Variants in KCNMB2 observed in about 807,000 individuals in gnomAD.
KCNMB2 encodes calcium-activated potassium channel subunit beta-2.
Under a neutral mutation model 24.5 loss-of-function variants are expected in KCNMB2, and 9 were observed. The ratio of observed to expected loss-of-function variants is 0.37; its 90% CI spans 0.22 to 0.64. The LOEUF is 0.64. KCNMB2 is among the 30% of genes least tolerant of loss of function. The pLI, the probability that KCNMB2 is intolerant of heterozygous loss-of-function variation, is 0.63. For synonymous variants in KCNMB2, 109 were observed against 104.4 expected (o/e 1.04, Z -0.27); for missense variants, 226 against 284.3 (o/e 0.79, Z 1.47).
intron 1 of KCNMB2, among the ~76,000 whole-genome samples, chr3:178,761,815 C>T (rs1711898821): frequency 6.6e-6 from 1 of 152,108 alleles, no homozygotes; most frequent in Admixed American, 6.6e-5. Flanking sequence ...AGGAGATACA[C>T]AATAAACAAA....
At chr3:178,616,404 G>T (rs1718707995) in intron 1 of KCNMB2, among the ~76,000 whole-genome samples, 1 of 152,108 alleles carries the variant, frequency 6.6e-6, no homozygotes, top group Non-Finnish European at 1.5e-5. Flanking sequence ...TCCCTCCTTG[G>T]GTGGGTGTTG....
chr3:178,614,343 A>G (rs866801461), intron 1 of KCNMB2, among the ~76,000 whole-genome samples: 6 of 134,792 alleles, frequency 4.5e-5, no homozygotes, highest in Middle Eastern at 3.4e-3. Flanking sequence ...GTATATATAT[A>G]TATGTATATA....
At chr3:178,538,587 C>T (rs111604205) in intron 1 of KCNMB2, among the ~76,000 whole-genome samples, 3 of 152,280 alleles carry the variant, frequency 2.0e-5, no homozygotes, top group African/African-American at 7.2e-5. Context: ...AGAGGCAATT[C>T]GTGCCTTGAA....
intron 1 of KCNMB2, among the ~76,000 whole-genome samples, chr3:178,701,573 A>T (rs1053535623): frequency 6.6e-6 from 1 of 152,044 alleles, no homozygotes; most frequent in Non-Finnish European, 1.5e-5. Flanking sequence ...ATTTACAAGA[A>T]AAAAACAAAC....
At chr3:178,771,545 A>C (rs1371438840) in intron 1 of KCNMB2, among the ~76,000 whole-genome samples, 11 of 139,784 alleles carry the variant, frequency 7.9e-5, no homozygotes, top group African/African-American at 3.1e-4. Flanking sequence ...ACGGTGGTAC[A>C]ATCATAGCTC....
chr3:178,814,628 G>T (rs1375147224), intron 2 of KCNMB2, among the ~76,000 whole-genome samples: 1 of 152,004 alleles, frequency 6.6e-6, no homozygotes, highest in Non-Finnish European at 1.5e-5. Flanking sequence ...TTTCCTCTCA[G>T]CCTCACCAAG....
chr3:178,658,946 C>G (rs1245685240), intron 1 of KCNMB2, among the ~76,000 whole-genome samples: 3 of 152,170 alleles, frequency 2.0e-5, no homozygotes. Flanking sequence ...CCCACCCCAT[C>G]AGATTATTAA....
intron 4 of KCNMB2, among the ~76,000 whole-genome samples, chr3:178,835,354 T>C (rs1051569926): frequency 1.3e-5 from 2 of 152,118 alleles, no homozygotes; most frequent in Non-Finnish European, 2.9e-5. Context: ...AAGGTAAATG[T>C]TGTAGGATCC....
chr3:178,609,227 CTGA>C (rs1395806098), intron 1 of KCNMB2, among the ~76,000 whole-genome samples: 1 of 152,284 alleles, frequency 6.6e-6, no homozygotes, highest in East Asian at 1.9e-4. Flanking sequence ...TTGCATTTCT[CTGA>C]TGATCAGTGA....
At chr3:178,704,401 C>A (rs1001098456) in intron 1 of KCNMB2, among the ~76,000 whole-genome samples, 1 of 152,056 alleles carries the variant, frequency 6.6e-6, no homozygotes, top group Non-Finnish European at 1.5e-5. Context: ...AGATATCTGT[C>A]TAGATATGGT....
intron 1 of KCNMB2, among the ~76,000 whole-genome samples, chr3:178,636,662 G>T (rs1268232390): frequency 1.3e-5 from 2 of 152,162 alleles, no homozygotes; most frequent in African/African-American, 4.8e-5. Context: ...ACACAAAACT[G>T]CTTGAGCAAG....
intron 1 of KCNMB2, among the ~76,000 whole-genome samples, chr3:178,735,282 G>A (rs7612968): frequency 0.49 from 73,809 of 152,086 alleles, 18,392 homozygotes; most frequent in African/African-American, 0.61. Context: ...GAGGGACACA[G>A]GAGATGGCCT....
chr3:178,755,039 C>T (rs982073425), intron 1 of KCNMB2, among the ~76,000 whole-genome samples: 6 of 152,218 alleles, frequency 3.9e-5, no homozygotes, highest in Admixed American at 6.5e-5. Flanking sequence ...CTGGCAGGCA[C>T]ACATTAGGCT....
chr3:178,739,404 G>A (rs1723422710), intron 1 of KCNMB2, among the ~76,000 whole-genome samples: 2 of 152,160 alleles, frequency 1.3e-5, no homozygotes, highest in Non-Finnish European at 2.9e-5. Context: ...GTGTTTCAAA[G>A]AATTTACCTC....
chr3:178,720,645 G>A (rs1254033566), intron 1 of KCNMB2, among the ~76,000 whole-genome samples: 2 of 128,828 alleles, frequency 1.6e-5, no homozygotes, highest in Non-Finnish European at 3.2e-5. Flanking sequence ...AGCACCTGTT[G>A]TTTCCTGACT....
Position 178,739,986 on chromosome 3 carries a change from A to T in KCNMB2, c.-67-67357A>T, listed in dbSNP as rs151091902. On this transcript the variant is annotated intron_variant, in intron 1 of 4. Transcript: ENST00000452583. Reference sequence around the variant, plus strand: ...AGCTCCAGCTGACGTGGGAACACTAACCTACTCTTGACAAATCTTCCTATT... The same window carrying T: ...AGCTCCAGCTGACGTGGGAACACTATCCTACTCTTGACAAATCTTCCTATT... Among the ~76,000 whole-genome samples, 28 of 152,308 alleles carry T rather than the reference A, an allele frequency of 1.8e-4. No homozygotes were observed. The East Asian group carries it at 5.4e-3, about 29-fold the overall frequency.
chr3:178,770,440 G>C (rs560922991), intron 1 of KCNMB2, among the ~76,000 whole-genome samples: 1 of 152,242 alleles, frequency 6.6e-6, no homozygotes, highest in Non-Finnish European at 1.5e-5. Context: ...CAGGTTTGGA[G>C]TGAACAGAAG....
At position 178,657,612 on chromosome 3, in the gene KCNMB2, A is replaced by C. The variant is rs147532587; in HGVS notation, c.-68+120901A>C. Among the ~76,000 whole-genome samples the C allele has an allele frequency of 2.2e-4, 34 of 152,360 alleles. 1 individual carries two copies. In the East Asian group the frequency reaches 6.4e-3, roughly 29 times the overall value. ...TAATCAGTTATGGTTTTGCTCTATA[A>C]TGAGTGTTTTGTACCACACTGTCTT... On this transcript the variant is annotated intron_variant, in intron 1 of 4. Coordinates refer to ENST00000452583, the MANE Select transcript of KCNMB2 (RefSeq NM_181361.3).
chr3:178,595,987 G>A (rs1016580438), intron 1 of KCNMB2, among the ~76,000 whole-genome samples: 1 of 152,030 alleles, frequency 6.6e-6, no homozygotes. Flanking sequence ...GCTTTCCGAA[G>A]AGGCACTGAA....
Sources: allele counts gnomAD v4.1 joint callset (sites outside exome capture counted in the v4.1 genomes callset), GRCh38; gene constraint gnomAD v4.1.1; transcripts MANE v1.5; gene names NCBI Gene and HGNC (gene_info 2026-07-23, HGNC 2026-07-21).